Variants in CCDC33 observed in about 807,000 individuals in gnomAD.
CCDC33 encodes the protein coiled-coil domain containing 33.
In CCDC33, 94 loss-of-function variants were observed where a neutral mutation model predicts 91.9. The ratio of observed to expected loss-of-function variants is 1.02; its 90% CI spans 0.87 to 1.21. The LOEUF is 1.21. Ranked by LOEUF, CCDC33 falls within the 50% of genes most tolerant of loss-of-function variation. The probability of loss-of-function intolerance (pLI) is 0.00; values close to 1 mark genes in which losing one functional copy is unlikely to be tolerated. For synonymous variants in CCDC33, 396 were observed against 374.5 expected, an observed-to-expected ratio of 1.06 and a Z score of -0.66; for missense variants, 940 against 935.5, an observed-to-expected ratio of 1.00 and a Z score of -0.06.
At chr15:74,288,456 C>T in intron 10 of CCDC33, among the ~76,000 whole-genome samples, 1 of 152,206 alleles carries the variant, frequency 6.6e-6, no homozygotes, top group East Asian at 1.9e-4. Context: ...AGGAACATCA[C>T]TCCCTCTCTC....
intron 2 of CCDC33, among the ~76,000 whole-genome samples, chr15:74,220,365 T>G (rs955820627): frequency 6.6e-6 from 1 of 152,176 alleles, no homozygotes; most frequent in African/African-American, 2.4e-5. Flanking sequence ...GTGCTGATCT[T>G]GTAAAATAAA....
At chr15:74,286,100 G>T (rs751264606) in intron 10 of CCDC33, among the ~76,000 whole-genome samples, 1 of 152,116 alleles carries the variant, frequency 6.6e-6, no homozygotes, top group Non-Finnish European at 1.5e-5. Context: ...GCAAAAATTA[G>T]TTGGGTGTGG....
At chr15:74,258,955 A>G (rs1378965281) in intron 2 of CCDC33, among the ~76,000 whole-genome samples, 1 of 152,056 alleles carries the variant, frequency 6.6e-6, no homozygotes, top group East Asian at 1.9e-4. Flanking sequence ...GGAGTTTGTC[A>G]AAGACACACA....
At chr15:74,205,454 C>T (rs1433488847) in intron 1 of CCDC33, among the ~76,000 whole-genome samples, 1 of 152,126 alleles carries the variant, frequency 6.6e-6, no homozygotes, top group Non-Finnish European at 1.5e-5. Context: ...CAGGCACTTA[C>T]AAATAGCCAG....
intron 11 of CCDC33, among the ~76,000 whole-genome samples, chr15:74,312,583 G>A (rs2060013170): frequency 6.6e-6 from 1 of 151,946 alleles, no homozygotes; most frequent in African/African-American, 2.4e-5. Context: ...CAGCGCCTAT[G>A]TACACAGGCT....
At chr15:74,320,333 C>G (rs2060180448) in intron 11 of CCDC33, among the ~76,000 whole-genome samples, 1 of 152,114 alleles carries the variant, frequency 6.6e-6, no homozygotes, top group Non-Finnish European at 1.5e-5. Context: ...GAAGTCCCAC[C>G]CAATCCAGTC....
chr15:74,291,844 A>G (rs1386870944), intron 10 of CCDC33, among the ~76,000 whole-genome samples: 8 of 152,242 alleles, frequency 5.3e-5, no homozygotes, highest in Admixed American at 5.2e-4. Flanking sequence ...GTCTGTCTCA[A>G]CAGACCCAAC....
chr15:74,320,100 AG>A, intron 11 of CCDC33, among the ~76,000 whole-genome samples: 1 of 152,232 alleles, frequency 6.6e-6, no homozygotes, highest in Admixed American at 6.5e-5. Flanking sequence ...ATGACATTCG[AG>A]GGGAACCAGG....
At chr15:74,330,126 G>A (rs566543364) in intron 11 of CCDC33, 63 bp from the exon 12 acceptor site, 597 of 1,493,012 alleles carry the variant, frequency 4.0e-4, no homozygotes, top group Non-Finnish European at 4.8e-4. Flanking sequence ...AAGTGTAGAT[G>A]TGGATGTGGG....
At chr15:74,282,720 G>T (rs1043738001) in intron 10 of CCDC33, among the ~76,000 whole-genome samples, 1 of 152,152 alleles carries the variant, frequency 6.6e-6, no homozygotes, top group Non-Finnish European at 1.5e-5. Context: ...CCACAGCTGG[G>T]TTGGTCCAAA....
chr15:74,208,226 G>A (rs1012899169), intron 1 of CCDC33, among the ~76,000 whole-genome samples: 1 of 152,134 alleles, frequency 6.6e-6, no homozygotes, highest in African/African-American at 2.4e-5. Flanking sequence ...GCCTTCTAGA[G>A]TAGTGAGGCC....
intron 1 of CCDC33, chr15:74,208,692 C>G: frequency 1.0e-6 from 1 of 986,702 alleles, no homozygotes. Flanking sequence ...CTTCCTGCCC[C>G]TAGGCTCTGA....
Position 74,330,355 on chromosome 15 carries a change from G to C in CCDC33, c.1456+1G>C, listed in dbSNP as rs1034642717. The C allele has an allele frequency of 1.3e-6, 2 of 1,587,476 alleles. No individual in the cohort carries two copies. The highest frequency in any genetic ancestry group is 2.7e-5 in the African/African-American group (2 of 74,432). ...AAAGCCAGTGAGGCCCAGAACACGG[G>C]TGAGGATGTGCAGGCCACCAAGGGC... On this transcript the variant is annotated splice_donor_variant, in intron 12 of 18. Transcript: ENST00000398814. LOFTEE classifies it high-confidence loss of function.
Position 74,331,296 on chromosome 15 carries a change from G to T in CCDC33, c.1771G>T (p.Gly591Cys). Residue 591 changes from glycine (G) to cysteine (C), a missense_variant and splice_region_variant, in exon 15 of 19, where the codon GGC becomes TGC. Physicochemically the swap from Gly to Cys is radical, Grantham distance 159. Coordinates refer to ENST00000398814, the MANE Select transcript of CCDC33 (RefSeq NM_025055.5). ...CAGGCAGCAGGGAAAGCCCTACACG[G>T]GTGGGTCCACACCCTGATGTGATCA... ...LNRQQGKPYT[G>C]FPMLSASGLP... The T allele has an allele frequency of 6.2e-7, 1 of 1,613,800 alleles. No homozygotes were observed. Among genetic ancestry groups the T allele is most frequent in the South Asian group, 1.1e-5 (1 of 91,038 alleles).
chr15:74,336,165 G>T, downstream of CCDC33: 1 of 1,484,268 alleles, frequency 6.7e-7, no homozygotes, highest in Non-Finnish European at 8.9e-7. Context: ...TCCTGGAGCA[G>T]GGCAGCCTGG....
chr15:74,226,827 C>CA (rs1167716008), intron 2 of CCDC33, among the ~76,000 whole-genome samples: 327 of 83,594 alleles, frequency 3.9e-3, no homozygotes, highest in Middle Eastern at 0.014. Flanking sequence ...GACTCCATCT[C>CA]AAAAAAAAAA....
intron 11 of CCDC33, among the ~76,000 whole-genome samples, chr15:74,307,015 G>A (rs141938888): frequency 0.014 from 2,180 of 152,234 alleles, 25 homozygotes; most frequent in Middle Eastern, 0.051. Flanking sequence ...AGGCAGAGGT[G>A]GGACAGCCTC....
chr15:74,281,850 G>A lies in CCDC33; in HGVS notation c.1095+1G>A, dbSNP rs2142503180. ...CTCCTTCCAGCTGCTTTCCTCTGAG[G>A]TAAGGCTGTGGGCCAGGGGAGGGTC... is the stretch of plus-strand genomic sequence containing the variant. On this transcript the variant is annotated splice_donor_variant, in intron 10 of 18. Coordinates refer to ENST00000398814, the MANE Select transcript of CCDC33 (RefSeq NM_025055.5). LOFTEE classifies it high-confidence loss of function. 3 of 1,613,728 alleles carry A rather than the reference G, an allele frequency of 1.9e-6. No individual in the cohort carries two copies. The highest frequency in any genetic ancestry group is 4.5e-5 in the East Asian group (2 of 44,890).
intron 14 of CCDC33, 44 bp from the exon 15 acceptor site, chr15:74,331,159 G>A: frequency 6.2e-7 from 1 of 1,613,938 alleles, no homozygotes; most frequent in Non-Finnish European, 8.5e-7. Flanking sequence ...TGATGGCAGA[G>A]TAGGGAGCCC....
Sources: gnomAD v4.1 joint callset for allele counts (sites outside exome capture counted in the v4.1 genomes callset) on GRCh38, gnomAD v4.1.1 for gene constraint, MANE v1.5 for transcripts, NCBI Gene and HGNC (gene_info 2026-07-23, HGNC 2026-07-21) for gene names.